Variants in HK1 observed in about 807,000 individuals in gnomAD.
HK1 encodes the protein hexokinase 1.
Under a neutral mutation model 91.6 loss-of-function variants are expected in HK1, and 28 were observed. That is an observed-to-expected ratio of 0.31 (90% CI 0.23 to 0.42). The LOEUF (loss-of-function observed/expected upper bound fraction) is 0.42, where lower values mean the gene tolerates loss of function less well. Ranked by LOEUF, HK1 falls within the 10% of genes least tolerant of loss-of-function variation. HK1 has a pLI of 1.00. For missense variants in HK1, 770 were observed against 1,219.8 expected, an observed-to-expected ratio of 0.63 and a Z score of 5.49; for synonymous variants, 430 against 468.1, an observed-to-expected ratio of 0.92 and a Z score of 1.05.
chr10:69,394,035 G>GT (rs1840030248), intron 15 of HK1, among the ~76,000 whole-genome samples: 1 of 152,256 alleles, frequency 6.6e-6, no homozygotes. Flanking sequence ...GTGGGACTTC[G>GT]TAGTGGTGGC....
intron 7 of HK1, among the ~76,000 whole-genome samples, chr10:69,372,094 G>T (rs555006263): frequency 6.6e-6 from 1 of 152,212 alleles, no homozygotes; most frequent in Non-Finnish European, 1.5e-5. Context: ...CAGGCAAAGA[G>T]AAATTGTGCA....
chr10:69,278,464 G>C (rs1844571087), intron 1 of HK1: 1 of 152,210 alleles, frequency 6.6e-6, no homozygotes, highest in Non-Finnish European at 1.5e-5. Flanking sequence ...GGCAGCTAAA[G>C]CTATGTGGTC....
Position 69,368,647 on chromosome 10 carries a change from C to T in HK1, c.591+16C>T, listed in dbSNP as rs1394137540. 1.3e-6 allele frequency: 2 copies of T among 1,595,038 alleles called. No individual in the cohort carries two copies. The highest frequency in any genetic ancestry group is 8.6e-7 in the Non-Finnish European group (1 of 1,162,702). On this transcript the variant is annotated intron_variant, in intron 5 of 17. Transcript: ENST00000359426. ...AAAGCGAGGGGTAATTTCTCCTGGG[C>T]CCTCTGCCTCAGCCATGCAGGGGTG...
At chr10:69,349,679 C>T (rs1848746696) in intron 2 of HK1, among the ~76,000 whole-genome samples, 1 of 152,184 alleles carries the variant, frequency 6.6e-6, no homozygotes, top group Non-Finnish European at 1.5e-5. Context: ...CAGGCTACAG[C>T]TCCAGTACCT....
At chr10:69,279,734 G>A (rs1236527903) in intron 1 of HK1, among the ~76,000 whole-genome samples, 2 of 152,190 alleles carry the variant, frequency 1.3e-5, no homozygotes, top group Non-Finnish European at 2.9e-5. Flanking sequence ...CCACATGTGA[G>A]AGGTGTCTGT....
chr10:69,384,506 TG>T, intron 11 of HK1, 25 bp downstream of exon 11: 2 of 1,613,100 alleles, frequency 1.2e-6, no homozygotes, highest in Non-Finnish European at 1.7e-6. Flanking sequence ...CCATAGTGCA[TG>T]TGCACTGCAC....
At chr10:69,337,580 T>C (rs1848053374) in intron 1 of HK1, among the ~76,000 whole-genome samples, 1 of 152,250 alleles carries the variant, frequency 6.6e-6, no homozygotes, top group African/African-American at 2.4e-5. Context: ...CCGTTCTCTC[T>C]GAGTCAGTGT....
intron 1 of HK1, among the ~76,000 whole-genome samples, chr10:69,340,491 C>T (rs1007381349): frequency 6.6e-6 from 1 of 152,210 alleles, no homozygotes; most frequent in Admixed American, 6.5e-5. Flanking sequence ...CTCAGGTAAT[C>T]CACTCGCCTC....
intron 13 of HK1, among the ~76,000 whole-genome samples, chr10:69,388,887 A>G (rs1200246743): frequency 6.6e-5 from 10 of 152,102 alleles, no homozygotes; most frequent in Admixed American, 6.6e-4. Flanking sequence ...AATGCTTTAA[A>G]CTCCAAAGGG....
intron 8 of HK1, among the ~76,000 whole-genome samples, chr10:69,377,604 T>TA (rs1839180786): frequency 6.6e-6 from 1 of 152,112 alleles, no homozygotes; most frequent in African/African-American, 2.4e-5. Context: ...GGATTGGGAA[T>TA]ATGGCACATT....
intron 1 of HK1, among the ~76,000 whole-genome samples, chr10:69,320,425 A>G (rs912941349): frequency 2.5e-4 from 38 of 152,144 alleles, no homozygotes; most frequent in African/African-American, 8.9e-4. Flanking sequence ...GGGGTTGTCA[A>G]ACCGTGGCAC....
At chr10:69,394,089 C>G (rs1273161129) in intron 15 of HK1, among the ~76,000 whole-genome samples, 1 of 152,210 alleles carries the variant, frequency 6.6e-6, no homozygotes, top group African/African-American at 2.4e-5. Context: ...CTTCCATGGA[C>G]CACATGAAAT....
At chr10:69,398,948 T>C (rs1000039806) in intron 17 of HK1, 120 bp downstream of exon 17, 2 of 715,748 alleles carry the variant, frequency 2.8e-6, no homozygotes, top group African/African-American at 3.5e-5. Context: ...GGCTGAAGGC[T>C]GTGCGTTCAG....
chr10:69,338,392 A>G (rs1848107421), intron 1 of HK1: 3 of 1,214,852 alleles, frequency 2.5e-6, no homozygotes, highest in Admixed American at 2.8e-5. Context: ...CAGCCTGACC[A>G]GACTGACCAG....
intron 7 of HK1, among the ~76,000 whole-genome samples, chr10:69,370,772 G>A (rs1385269742): frequency 6.6e-6 from 1 of 152,194 alleles, no homozygotes; most frequent in Non-Finnish European, 1.5e-5. Flanking sequence ...TATCTCCAAT[G>A]TCAAGCATAA....
rs188129389 is a variant in HK1 at position 69,338,417 on chromosome 10, G to A, written c.64-5410G>A. The A allele has an allele frequency of 4.9e-5, 60 of 1,235,350 alleles. No homozygotes were observed. The African/African-American group carries it at 7.7e-4, about 16-fold the overall frequency. The allele number at this position is 1,235,350 out of a possible 1,614,324, so 76.5% of individuals were successfully genotyped here. A position where few individuals can be genotyped will look rare whatever the true frequency, so the allele number is the denominator to read the frequency against. On this transcript the variant is annotated intron_variant, in intron 1 of 17. Transcript: ENST00000359426. ...AGACTGACCAGAGTCCCACATATTC[G>A]TCTCAGACACTGGTTTGAGAGGGAG...
At chr10:69,396,930 C>T (rs1173341566) in intron 16 of HK1, among the ~76,000 whole-genome samples, 1 of 152,192 alleles carries the variant, frequency 6.6e-6, no homozygotes, top group African/African-American at 2.4e-5. Flanking sequence ...GGTAATCTGC[C>T]CACCTTGGCC....
chr10:69,274,548 A>G (rs2132405627), intron 1 of HK1, among the ~76,000 whole-genome samples: 1 of 151,232 alleles, frequency 6.6e-6, no homozygotes, highest in South Asian at 2.1e-4. Context: ...CTGCGAGCCG[A>G]GATGGCACTC....
chr10:69,288,648 C>T (rs1845139109), intron 2 of HK1: 2 of 1,132,702 alleles, frequency 1.8e-6, no homozygotes, highest in Non-Finnish European at 2.7e-6. Context: ...ACCCTGCCTT[C>T]TTTGAACTTG....
Sources: gnomAD v4.1 joint callset for allele counts (sites outside exome capture counted in the v4.1 genomes callset) on GRCh38, gnomAD v4.1.1 for gene constraint, MANE v1.5 for transcripts, NCBI Gene and HGNC (gene_info 2026-07-23, HGNC 2026-07-21) for gene names.